Variants in GARRE1 observed in about 807,000 individuals in gnomAD.
GARRE1 encodes granule associated Rac and RHOG effector 1, also known as granule associated Rac and RHOG effector protein 1.
In GARRE1, 49 loss-of-function variants were observed where a neutral mutation model predicts 103.2. The ratio of observed to expected loss-of-function variants is 0.47; its 90% CI spans 0.38 to 0.60. The LOEUF is 0.60. Ranked by LOEUF, GARRE1 falls within the 20% of genes least tolerant of loss-of-function variation. The pLI is 0.00. For missense variants in GARRE1, 1,199 were observed against 1,370.5 expected (o/e 0.87, Z 1.98); for synonymous variants, 505 against 532.8 (o/e 0.95, Z 0.72).
At chr19:34,256,372 T>C (rs2073672990) in intron 1 of GARRE1, among the ~76,000 whole-genome samples, 2 of 151,468 alleles carry the variant, frequency 1.3e-5, no homozygotes, top group African/African-American at 4.8e-5. Flanking sequence ...AAAAACACAT[T>C]AGCCAAGCAT....
Position 34,276,664 on chromosome 19 carries a change from C to T in GARRE1, c.-796+22050C>T, listed in dbSNP as rs189525774. Among the ~76,000 whole-genome samples the T allele has an allele frequency of 4.1e-3, 631 of 152,338 alleles. 16 individuals carry two copies. The highest frequency in any genetic ancestry group is 0.038 in the Admixed American group (589 of 15,304). On this transcript the variant is annotated intron_variant, in intron 1 of 13. Coordinates refer to ENST00000299505, the MANE Select transcript of GARRE1 (RefSeq NM_014686.5). ...ATGATCTCTGCCTTCTCCCTCATAT[C>T]ATCTGTCTTAAGGTCACAGATACCG...
At chr19:34,342,579 C>G (rs111291722) in intron 10 of GARRE1, 124 bp downstream of exon 10, 57,570 of 869,390 alleles carry the variant, frequency 0.066, 2,477 homozygotes, top group Non-Finnish European at 0.085. Flanking sequence ...CCTTTACGAC[C>G]CTTTCTCACT....
chr19:34,342,489 A>G (rs79178522), intron 10 of GARRE1, 34 bp downstream of exon 10: 37,137 of 1,568,394 alleles, frequency 0.024, 542 homozygotes, highest in Non-Finnish European at 0.027. Flanking sequence ...GCCCAGTGTC[A>G]ACAGCAAATG....
intron 2 of GARRE1, among the ~76,000 whole-genome samples, chr19:34,307,281 C>A (rs2074011372): frequency 6.6e-6 from 1 of 152,004 alleles, no homozygotes; most frequent in Non-Finnish European, 1.5e-5. Flanking sequence ...AGCAGCGATG[C>A]CACTTCTCCC....
chr19:34,338,217 C>T (rs2074169554), intron 8 of GARRE1, among the ~76,000 whole-genome samples: 1 of 152,306 alleles, frequency 6.6e-6, no homozygotes, highest in African/African-American at 2.4e-5. Context: ...TAGACCTATG[C>T]TGCTCAGACT....
At position 34,259,252 on chromosome 19, in the gene GARRE1, C is replaced by T. The variant is rs546357735; in HGVS notation, c.-796+4638C>T. On this transcript the variant is annotated intron_variant, in intron 1 of 13. Coordinates refer to ENST00000299505, the MANE Select transcript of GARRE1 (RefSeq NM_014686.5). ...CCTGACTCTTAAGGTTCTTACCAGC[C>T]GGTGAATCACATCTTCCTTCTTGAT... is the stretch of plus-strand genomic sequence containing the variant. Among the ~76,000 whole-genome samples, 13 of 152,360 alleles carry T rather than the reference C, an allele frequency of 8.5e-5. No homozygotes were observed. The East Asian group carries it at 9.6e-4, about 11-fold the overall frequency.
chr19:34,309,370 T>G (rs1465894145), intron 2 of GARRE1, among the ~76,000 whole-genome samples: 2 of 152,236 alleles, frequency 1.3e-5, no homozygotes, highest in Non-Finnish European at 2.9e-5. Context: ...AAACATAATT[T>G]TTAAAAGATA....
chr19:34,264,693 C>T (rs1470145752), intron 1 of GARRE1, among the ~76,000 whole-genome samples: 2 of 152,152 alleles, frequency 1.3e-5, no homozygotes, highest in African/African-American at 2.4e-5. Flanking sequence ...CCACCACGCC[C>T]GGCTGGCATG....
At chr19:34,260,433 C>A (rs946451354) in intron 1 of GARRE1, among the ~76,000 whole-genome samples, 2 of 152,172 alleles carry the variant, frequency 1.3e-5, no homozygotes, top group Non-Finnish European at 2.9e-5. Flanking sequence ...CCTGCAATAT[C>A]TCCAAGATAA....
rs2074246490 is a variant in GARRE1 at position 34,352,851 on chromosome 19, C to A, written c.3109C>A (p.Pro1037Thr). The A allele has an allele frequency of 2.6e-6, 4 of 1,543,740 alleles. No individual in the cohort carries two copies. In the East Asian group the frequency reaches 9.0e-5, roughly 35 times the overall value. The change falls in exon 14 of 14, where the codon CCA (proline) becomes ACA (threonine). Residue 1037 changes from proline to threonine, a missense_variant. Coordinates refer to ENST00000299505, the MANE Select transcript of GARRE1 (RefSeq NM_014686.5). ...SAAAFSYVQT[P>T]PQPPPPPAHK... is the part of the protein sequence containing the mutation. Reference sequence around the variant, plus strand: ...CGCTGCCTTCTCCTATGTGCAGACCCCACCCCAGCCCCCACCCCCACCAGC... The same window carrying A: ...CGCTGCCTTCTCCTATGTGCAGACCACACCCCAGCCCCCACCCCCACCAGC...
rs893745805 is a variant in GARRE1 at position 34,301,095 on chromosome 19, T to C, written c.495+127T>C. 2.4e-5 allele frequency: 25 copies of C among 1,036,334 alleles called. No individual in the cohort carries two copies. In the African/African-American group the frequency reaches 3.9e-4, roughly 16 times the overall value. 64.2% of individuals were successfully genotyped at this position (1,036,334 alleles called of 1,614,324 possible). A position where few individuals can be genotyped will look rare whatever the true frequency, so the allele number is the denominator to read the frequency against. ...TTGTCCTCTTGCTGTTGGTACTCTG[T>C]CTTTGTAAAAAATGTGTGCGTGCCA... is the stretch of plus-strand genomic sequence containing the variant. On this transcript the variant is annotated intron_variant, in intron 2 of 13. Coordinates refer to ENST00000299505, the MANE Select transcript of GARRE1 (RefSeq NM_014686.5).
chr19:34,307,799 A>T (rs328411), intron 2 of GARRE1, among the ~76,000 whole-genome samples: 68,699 of 118,278 alleles, frequency 0.58, 19,664 homozygotes, highest in Non-Finnish European at 0.62. Context: ...CTATAAAAAA[A>T]AAATATATAT....
Position 34,347,805 on chromosome 19 carries a change from T to C in GARRE1, c.2522-72T>C, listed in dbSNP as rs576831474. The stretch of plus-strand genomic sequence containing the variant: ...TTCATTGCATGTGTGACCAGCACGT[T>C]AGCAAAGCGTAGGGAAGGACCAAGA... On this transcript the variant is annotated intron_variant, in intron 10 of 13. Coordinates refer to ENST00000299505, the MANE Select transcript of GARRE1 (RefSeq NM_014686.5). The C allele has an allele frequency of 8.0e-6, 11 of 1,366,908 alleles. No homozygotes were observed. The African/African-American group carries it at 1.6e-4, about 20-fold the overall frequency. The allele number at this position is 1,366,908 out of a possible 1,614,324, so 84.7% of individuals were successfully genotyped here. A position where few individuals can be genotyped will look rare whatever the true frequency, so the allele number is the denominator to read the frequency against.
chr19:34,278,145 C>T (rs912383136), intron 1 of GARRE1, among the ~76,000 whole-genome samples: 3 of 151,904 alleles, frequency 2.0e-5, no homozygotes, highest in African/African-American at 7.3e-5. Context: ...TTTTCAACAT[C>T]CCAAACTGAA....
intron 2 of GARRE1, 92 bp downstream of exon 2, chr19:34,301,060 ATAG>A: frequency 7.5e-7 from 1 of 1,325,738 alleles, no homozygotes; most frequent in East Asian, 2.3e-5. Flanking sequence ...AATCACTGTA[ATAG>A]TAGCCTTTGT....
chr19:34,335,797 T>A (rs1618249), intron 8 of GARRE1, among the ~76,000 whole-genome samples: 117,952 of 152,076 alleles, frequency 0.78, 46,318 homozygotes, highest in African/African-American at 0.82. Flanking sequence ...AAGTGCTAGG[T>A]TTACAGGCGT....
chr19:34,296,648 A>C, intron 1 of GARRE1: 1 of 1,027,286 alleles, frequency 9.7e-7, no homozygotes, highest in Non-Finnish European at 1.5e-6. Context: ...TCCACTTAAG[A>C]GATTTGTATC....
Position 34,320,032 on chromosome 19 carries a change from C to G in GARRE1, c.621C>G (p.Asn207Lys). 6.2e-7 allele frequency: 1 copy of G among 1,614,242 alleles called. No individual in the cohort carries two copies. Among genetic ancestry groups the G allele is most frequent in the Non-Finnish European group, 8.5e-7 (1 of 1,180,046 alleles). The change falls in exon 3 of 14, where the codon AAC becomes AAG. Residue 207 changes from asparagine to lysine, a missense_variant. Physicochemically the swap from Asn to Lys is moderately conservative, Grantham distance 94. Coordinates refer to ENST00000299505, the MANE Select transcript of GARRE1 (RefSeq NM_014686.5). Reference sequence around the variant, plus strand: ...AGGTCATCGTGCCAGAAAAAAAGAACAGCGGCAGTGGCGGCGGCTTATCTG... The same window carrying G: ...AGGTCATCGTGCCAGAAAAAAAGAAGAGCGGCAGTGGCGGCGGCTTATCTG... The part of the protein sequence containing the change: ...FAEVIVPEKK[N>K]SGSGGGLSGM...
In GARRE1 at chr19:34,327,414, G is replaced by A. The variant is rs1259100492; in HGVS notation, c.706-7G>A. On this transcript the variant is annotated splice_region_variant and splice_polypyrimidine_tract_variant and intron_variant, in intron 3 of 13. Transcript: ENST00000299505. ...CTTTTACCTACCAGTTACTATATATGTTACAGGCGACATCTAGACTAAGAG... is the reference window on the plus strand; with the variant it reads ...CTTTTACCTACCAGTTACTATATATATTACAGGCGACATCTAGACTAAGAG... The A allele has an allele frequency of 6.2e-7, 1 of 1,613,870 alleles. No individual in the cohort carries two copies. The highest frequency in any genetic ancestry group is 1.1e-5 in the South Asian group (1 of 91,070).
Sources: gnomAD v4.1 joint callset for allele counts (sites outside exome capture counted in the v4.1 genomes callset) on GRCh38, gnomAD v4.1.1 for gene constraint, MANE v1.5 for transcripts, NCBI Gene and HGNC (gene_info 2026-07-23, HGNC 2026-07-21) for gene names.